The following TBL1X variants were observed in gnomAD, a reference collection of about 807,000 sequenced individuals.
TBL1X encodes the protein transducin beta like 1 X-linked.
A neutral mutation model predicts 50.7 loss-of-function variants in TBL1X; 10 were observed. The ratio of observed to expected loss-of-function variants is 0.20; its 90% CI spans 0.12 to 0.33. TBL1X has a LOEUF of 0.33. Ranked by LOEUF, TBL1X falls within the 10% of genes least tolerant of loss-of-function variation. The pLI, the probability that TBL1X is intolerant of heterozygous loss-of-function variation, is 1.00. For missense variants in TBL1X, 340 were observed against 504.4 expected (o/e 0.67, Z 3.12); for synonymous variants, 190 against 214.7 (o/e 0.88, Z 1.01).
chrX:9,648,023 A>T (rs928981255), intron 3 of TBL1X, among the ~76,000 whole-genome samples: 6 of 111,371 alleles, frequency 5.4e-5, no homozygotes, highest in Non-Finnish European at 9.4e-5. Flanking sequence ...CAGTTTAGAG[A>T]TAAGGAAACA....
At chrX:9,714,812 A>G in intron 16 of TBL1X, 90 bp from the exon 17 acceptor site, 1 of 892,189 alleles carries the variant, frequency 1.1e-6, no homozygotes, top group African/African-American at 2.0e-5. Flanking sequence ...GTTCATGACG[A>G]AACGTCAGGG....
At chrX:9,682,363 C>T (rs967239514) in intron 5 of TBL1X, among the ~76,000 whole-genome samples, 1 of 112,105 alleles carries the variant, frequency 8.9e-6, no homozygotes, top group African/African-American at 3.2e-5. Flanking sequence ...CTAATGTAGG[C>T]AGTTATAGTT....
chrX:9,541,741 C>A (rs899455084), intron 2 of TBL1X, among the ~76,000 whole-genome samples: 1 of 111,377 alleles, frequency 9.0e-6, no homozygotes, highest in African/African-American at 3.3e-5. Context: ...CAGGTTGGAC[C>A]AGGGGACAAG....
At chrX:9,622,782 G>C (rs894561198) in intron 2 of TBL1X, among the ~76,000 whole-genome samples, 1 of 112,098 alleles carries the variant, frequency 8.9e-6, no homozygotes, top group Non-Finnish European at 1.9e-5. Context: ...GATTACAGGC[G>C]TGTGCCACTG....
chrX:9,691,228 G>T lies in TBL1X; in HGVS notation c.617-351G>T, dbSNP rs191437258. On this transcript the variant is annotated intron_variant, in intron 7 of 17. Coordinates refer to ENST00000645353, the MANE Select transcript of TBL1X (RefSeq NM_005647.4). The stretch of plus-strand genomic sequence containing the variant: ...GGGCAGGTGGATCACTTGAGGCCAG[G>T]AGTTTGAGACCGACCCTGGCAACAT... 5.0e-3 allele frequency among the ~76,000 whole-genome samples: 552 copies of T among 110,798 alleles called. 15 individuals carry two copies. The highest frequency in any genetic ancestry group is 0.049 in the Admixed American group (505 of 10,386).
At chrX:9,536,926 CA>C (rs1309738501) in intron 2 of TBL1X, among the ~76,000 whole-genome samples, 2 of 112,168 alleles carry the variant, frequency 1.8e-5, no homozygotes, top group East Asian at 2.8e-4. Flanking sequence ...AAAGCGTTTA[CA>C]AAAGGCTTTC....
intron 2 of TBL1X, among the ~76,000 whole-genome samples, chrX:9,566,518 C>A (rs144380397): frequency 8.9e-6 from 1 of 111,902 alleles, no homozygotes; most frequent in East Asian, 2.8e-4. Flanking sequence ...TATTAGTCAG[C>A]GTCTGGCTCT....
Position 9,630,278 on chromosome X carries a change from T to A in TBL1X, c.-130-9995T>A, listed in dbSNP as rs373135254. The stretch of plus-strand genomic sequence containing the variant: ...GTTTCGTTTCTTTTTATGTTTTCTT[T>A]GCCTCCGAAATATCTTCCACAGATT... On this transcript the variant is annotated intron_variant, in intron 2 of 17. Coordinates refer to ENST00000645353, the MANE Select transcript of TBL1X (RefSeq NM_005647.4). 8.0e-5 allele frequency among the ~76,000 whole-genome samples: 9 copies of A among 112,067 alleles called. No individual in the cohort carries two copies. The East Asian group carries it at 1.1e-3, about 14-fold the overall frequency.
chrX:9,490,008 C>G (rs1487319079), intron 1 of TBL1X, among the ~76,000 whole-genome samples: 1 of 111,215 alleles, frequency 9.0e-6, no homozygotes, highest in African/African-American at 3.3e-5. Context: ...TCACTGTCAC[C>G]CAAACTCGAG....
In TBL1X at chrX:9,491,338, A is replaced by ATTTTT. The variant is rs1157943868; in HGVS notation, c.-200-10430_-200-10426dup. Among the ~76,000 whole-genome samples the ATTTTT allele has an allele frequency of 1.3e-3, 40 of 31,298 alleles. 1 individual carries two copies. The highest frequency in any genetic ancestry group is 1.7e-3 in the Non-Finnish European group (30 of 17,746). 27.2% of individuals were successfully genotyped at this position (31,298 alleles called of 115,157 possible). On this transcript the variant is annotated intron_variant, in intron 1 of 17. Transcript: ENST00000645353. ...TATATATATATATATATATATATATATTTTTTTTTTTTTTTTCTTTGAGAC... is the reference window on the plus strand; with the variant it reads ...TATATATATATATATATATATATATATTTTTTTTTTTTTTTTTTTTTCTTTGAGAC...
At chrX:9,481,769 C>T (rs966556148) in intron 1 of TBL1X, among the ~76,000 whole-genome samples, 13 of 112,062 alleles carry the variant, frequency 1.2e-4, no homozygotes, top group Non-Finnish European at 2.3e-4. Context: ...CCAATTAATA[C>T]AAGTATTTGC....
At chrX:9,689,112 A>G (rs2083081939) in intron 7 of TBL1X, among the ~76,000 whole-genome samples, 1 of 113,364 alleles carries the variant, frequency 8.8e-6, no homozygotes, top group Non-Finnish European at 1.9e-5. Context: ...GTGTGTGCGC[A>G]CGCACGCACA....
intron 2 of TBL1X, among the ~76,000 whole-genome samples, chrX:9,575,347 C>T (rs1016389362): frequency 3.6e-5 from 4 of 111,652 alleles, no homozygotes; most frequent in Non-Finnish European, 5.6e-5. Flanking sequence ...CCATATCACC[C>T]ATCAGCAGTC....
intron 2 of TBL1X, among the ~76,000 whole-genome samples, chrX:9,540,811 C>T (rs1167559919): frequency 8.9e-6 from 1 of 111,985 alleles, no homozygotes; most frequent in Non-Finnish European, 1.9e-5. Flanking sequence ...TAGTGACAAG[C>T]CCCAGGAAAT....
chrX:9,689,083 TGCACAAGTTTGTGTGCGTGTGTGTGC>T (rs1361936520), intron 7 of TBL1X, among the ~76,000 whole-genome samples: 2 of 113,584 alleles, frequency 1.8e-5, no homozygotes, highest in African/African-American at 6.4e-5. Context: ...TGCGTGTGTG[TGCACAAGTTTGTGTGCGTGTGTGTGC>T]GCACGCACGC....
intron 1 of TBL1X, among the ~76,000 whole-genome samples, chrX:9,471,876 C>T (rs1341523367): frequency 1.8e-5 from 2 of 111,382 alleles, no homozygotes; most frequent in East Asian, 2.8e-4. Flanking sequence ...AGCCTGGAAC[C>T]GATTATGACC....
At chrX:9,716,075 T>C in intron 17 of TBL1X, 145 bp from the exon 18 acceptor site, 1 of 604,911 alleles carries the variant, frequency 1.7e-6, no homozygotes, top group South Asian at 2.8e-5. Context: ...CTCTGACCCT[T>C]CATGACGATG....
At chrX:9,465,696 G>C (rs376373221) in intron 1 of TBL1X, among the ~76,000 whole-genome samples, 1 of 113,066 alleles carries the variant, frequency 8.8e-6, no homozygotes, top group South Asian at 3.5e-4. Flanking sequence ...CGCGCCTTGC[G>C]GGGAGAGACG....
At chrX:9,594,019 C>T (rs2082515612) in intron 2 of TBL1X, among the ~76,000 whole-genome samples, 3 of 112,305 alleles carry the variant, frequency 2.7e-5, no homozygotes, top group South Asian at 3.6e-4. Context: ...GAAACTCTGC[C>T]CCGCTCGGGG....
Sources: allele counts gnomAD v4.1 joint callset (sites outside exome capture counted in the v4.1 genomes callset), GRCh38; gene constraint gnomAD v4.1.1; transcripts MANE v1.5; gene names NCBI Gene and HGNC (gene_info 2026-07-23, HGNC 2026-07-21).